ANKS1B: variants seen among roughly 807,000 people sequenced by gnomAD.
The protein encoded by ANKS1B is ankyrin repeat and sterile alpha motif domain-containing protein 1B.
A neutral mutation model predicts 148.3 loss-of-function variants in ANKS1B; 36 were observed. That is an observed-to-expected ratio of 0.24 (90% confidence interval 0.19 to 0.32). The LOEUF (loss-of-function observed/expected upper bound fraction) is 0.32. ANKS1B is among the 10% of genes least tolerant of loss of function. The pLI, the probability that ANKS1B is intolerant of heterozygous loss-of-function variation, is 1.00. For missense variants in ANKS1B, 1,157 were observed against 1,542.6 expected, an observed-to-expected ratio of 0.75 and a Z score of 4.19; for synonymous variants, 542 against 560.8, an observed-to-expected ratio of 0.97 and a Z score of 0.47.
chr12:98,847,919 G>C (rs2099491303), intron 17 of ANKS1B, among the ~76,000 whole-genome samples: 1 of 152,042 alleles, frequency 6.6e-6, no homozygotes, highest in Admixed American at 6.6e-5. Flanking sequence ...AAATTTGTTT[G>C]GATAAATATC....
intron 12 of ANKS1B, among the ~76,000 whole-genome samples, chr12:99,280,965 T>C (rs1358316756): frequency 1.3e-5 from 2 of 151,706 alleles, no homozygotes; most frequent in Non-Finnish European, 2.9e-5. Context: ...TCTCTCGCTA[T>C]TGGTTCTGTT....
At chr12:99,491,820 T>C (rs972044551) in intron 10 of ANKS1B, among the ~76,000 whole-genome samples, 2 of 152,166 alleles carry the variant, frequency 1.3e-5, no homozygotes, top group African/African-American at 4.8e-5. Flanking sequence ...TTTGGGTAAC[T>C]AATAAAATTA....
At chr12:99,772,901 A>T in intron 8 of ANKS1B, 21 bp downstream of exon 8, 2 of 1,601,008 alleles carry the variant, frequency 1.2e-6, no homozygotes, top group Non-Finnish European at 1.7e-6. Flanking sequence ...CATTATCTTC[A>T]TTCCCCCCCG....
In ANKS1B at chr12:98,745,350, T is replaced by A; in HGVS notation, c.*389A>T. The A allele has an allele frequency of 1.0e-6, 1 of 987,610 alleles. No individual in the cohort carries two copies. The highest frequency in any genetic ancestry group is 1.2e-6 in the Non-Finnish European group (1 of 832,464). 61.2% of individuals were successfully genotyped at this position (987,610 alleles called of 1,614,324 possible). ...ACTGCTGACAGTGAAAGCATACTTT[T>A]AGGCAGTATTAGAGATCCCCTTTAC... On this transcript the variant is annotated 3_prime_UTR_variant, in exon 27 of 27. Coordinates refer to ENST00000683438, the MANE Select transcript of ANKS1B (RefSeq NM_001352186.2).
At chr12:99,306,421 C>T (rs2082349144) in intron 12 of ANKS1B, among the ~76,000 whole-genome samples, 1 of 151,922 alleles carries the variant, frequency 6.6e-6, no homozygotes, top group Non-Finnish European at 1.5e-5. Context: ...AAAGTGTTTT[C>T]TTGTGTGTCT....
At chr12:98,788,209 A>C (rs907865062) in intron 22 of ANKS1B, among the ~76,000 whole-genome samples, 4 of 151,406 alleles carry the variant, frequency 2.6e-5, no homozygotes, top group African/African-American at 9.7e-5. Flanking sequence ...GTTCAAGACC[A>C]GCCGGACCAA....
chr12:99,429,694 T>C (rs905432038), intron 11 of ANKS1B, among the ~76,000 whole-genome samples: 3 of 152,244 alleles, frequency 2.0e-5, no homozygotes, highest in African/African-American at 7.2e-5. Flanking sequence ...CCGGGCGCGG[T>C]GGCTCACGCC....
rs2098671857 is a variant in ANKS1B, at chr12:99,690,225, C to CATGGGGATT, written c.1129-35024_1129-35016dup. Among the ~76,000 whole-genome samples the CATGGGGATT allele has an allele frequency of 4.6e-5, 7 of 152,260 alleles. No individual in the cohort carries two copies. In the South Asian group the frequency reaches 1.5e-3, roughly 32 times the overall value. Reference sequence around the variant, plus strand: ...CCTCCACCTGGTCCCAATCTTCACTCATGGGGATTATGGGGATTAAAATTC... The same window carrying CATGGGGATT: ...CCTCCACCTGGTCCCAATCTTCACTCATGGGGATTATGGGGATTATGGGGATTAAAATTC... On this transcript the variant is annotated intron_variant, in intron 8 of 26. Transcript: ENST00000683438.
chr12:99,844,670 G>T (rs540039641), intron 1 of ANKS1B, among the ~76,000 whole-genome samples: 1 of 152,280 alleles, frequency 6.6e-6, no homozygotes, highest in Non-Finnish European at 1.5e-5. Flanking sequence ...CAGGTAGCAT[G>T]ATGCCTCCAG....
chr12:98,894,677 G>T, intron 17 of ANKS1B: 3 of 985,644 alleles, frequency 3.0e-6, no homozygotes, highest in South Asian at 4.7e-5. Flanking sequence ...AGGGCTGGCG[G>T]GCTCTGGCCC....
chr12:99,747,878 A>G (rs1230565671), intron 8 of ANKS1B, among the ~76,000 whole-genome samples: 1 of 152,136 alleles, frequency 6.6e-6, no homozygotes, highest in Non-Finnish European at 1.5e-5. Flanking sequence ...TAAACTCCTA[A>G]AGAATCCATC....
At chr12:99,350,298 C>A (rs186933853) in intron 12 of ANKS1B, among the ~76,000 whole-genome samples, 274 of 152,050 alleles carry the variant, frequency 1.8e-3, no homozygotes, top group Admixed American at 4.0e-3. Context: ...AACCATGAGA[C>A]AATTAAACCT....
intron 17 of ANKS1B, among the ~76,000 whole-genome samples, chr12:99,047,082 G>A (rs977281279): frequency 6.6e-6 from 1 of 152,130 alleles, no homozygotes; most frequent in Non-Finnish European, 1.5e-5. Context: ...TTCCAAATGA[G>A]AGGAGAAATA....
chr12:99,734,424 G>T (rs973536906), intron 8 of ANKS1B, among the ~76,000 whole-genome samples: 18 of 152,072 alleles, frequency 1.2e-4, no homozygotes, highest in African/African-American at 4.3e-4. Flanking sequence ...CCCCCGAGTA[G>T]CTGGGATTAC....
chr12:99,312,355 T>C (rs2083297471), intron 12 of ANKS1B, among the ~76,000 whole-genome samples: 1 of 152,210 alleles, frequency 6.6e-6, no homozygotes, highest in African/African-American at 2.4e-5. Context: ...TTATCTGCTA[T>C]CCTTGAATGG....
intron 10 of ANKS1B, among the ~76,000 whole-genome samples, chr12:99,453,023 G>T (rs558645792): frequency 6.6e-6 from 1 of 152,216 alleles, no homozygotes; most frequent in Non-Finnish European, 1.5e-5. Context: ...GGGCACAGTG[G>T]CTCACGCCTG....
intron 18 of ANKS1B, chr12:98,831,005 T>C (rs1456799787): frequency 3.0e-5 from 4 of 133,408 alleles, no homozygotes; most frequent in African/African-American, 1.1e-4. Context: ...TGGAGTGCAG[T>C]GGTGCGATCT....
At chr12:99,243,590 T>C (rs961592726) in intron 14 of ANKS1B, among the ~76,000 whole-genome samples, 12 of 152,314 alleles carry the variant, frequency 7.9e-5, no homozygotes, top group African/African-American at 2.4e-4. Flanking sequence ...ATGTTTATTG[T>C]GGCACTATTC....
chr12:99,250,672 G>A (rs1271521098), intron 12 of ANKS1B, among the ~76,000 whole-genome samples: 1 of 150,496 alleles, frequency 6.6e-6, no homozygotes, highest in Admixed American at 6.6e-5. Flanking sequence ...TGGCCATTAA[G>A]TTTGGGAGGG....
Sources: gnomAD v4.1 joint callset for allele counts (sites outside exome capture counted in the v4.1 genomes callset) on GRCh38, gnomAD v4.1.1 for gene constraint, MANE v1.5 for transcripts, NCBI Gene and HGNC (gene_info 2026-07-23, HGNC 2026-07-21) for gene names.